Variants in CFTR observed in about 807,000 individuals in gnomAD.
The protein encoded by CFTR is cystic fibrosis transmembrane conductance regulator.
CFTR carries 181 observed loss-of-function variants against 171.6 expected under a neutral mutation model. The observed-to-expected ratio is 1.05, with a 90% CI of 0.93 to 1.19. The LOEUF (loss-of-function observed/expected upper bound fraction) is 1.19. Among genes scored for constraint, CFTR ranks in the 50% most tolerant of loss-of-function variants. CFTR has a pLI of 0.00. For synonymous variants in CFTR, 583 were observed against 608.0 expected, an observed-to-expected ratio of 0.96 and a Z score of 0.60; for missense variants, 1,968 against 1,734.7, an observed-to-expected ratio of 1.13 and a Z score of -2.39.
In CFTR at chr7:117,644,262, T is replaced by A. The variant is rs34689837; in HGVS notation, c.3873+1669T>A. ...AACAGAATATGCTATTTCTTCTTTG[T>A]GACAAATTTTGAACATTATGTGAAT... On this transcript the variant is annotated intron_variant, in intron 23 of 26. Coordinates refer to ENST00000003084, the MANE Select transcript of CFTR (RefSeq NM_000492.4). Among the ~76,000 whole-genome samples, 1,233 of 152,238 alleles carry A rather than the reference T, an allele frequency of 8.1e-3. 12 individuals are homozygous for A. The highest frequency in any genetic ancestry group is 0.028 in the African/African-American group (1,175 of 41,550).
chr7:117,631,220 G>T (rs979676574), intron 22 of CFTR, among the ~76,000 whole-genome samples: 1 of 152,088 alleles, frequency 6.6e-6, no homozygotes, highest in Non-Finnish European at 1.5e-5. Context: ...GGTGCTATTT[G>T]GTTCCTGGTA....
chr7:117,633,848 C>G (rs931497254), intron 22 of CFTR, among the ~76,000 whole-genome samples: 2 of 151,824 alleles, frequency 1.3e-5, no homozygotes, highest in Non-Finnish European at 2.9e-5. Context: ...TGAGATTAAT[C>G]CCGTTTGGTT....
At chr7:117,490,001 T>C (rs542236405) in intron 1 of CFTR, among the ~76,000 whole-genome samples, 1 of 152,032 alleles carries the variant, frequency 6.6e-6, no homozygotes, top group Admixed American at 6.6e-5. Context: ...ATTCCAGCCA[T>C]TTGTATCCTT....
chr7:117,603,181 A>T (rs886195058), intron 16 of CFTR, among the ~76,000 whole-genome samples: 1 of 152,170 alleles, frequency 6.6e-6, no homozygotes, highest in Non-Finnish European at 1.5e-5. Context: ...TATCTAAAAT[A>T]AAATAAAATA....
At chr7:117,544,689 T>G (rs1799110281) in intron 9 of CFTR, among the ~76,000 whole-genome samples, 1 of 152,224 alleles carries the variant, frequency 6.6e-6, no homozygotes. Flanking sequence ...TGTTTAAATA[T>G]TTTCAAGTTA....
intron 24 of CFTR, among the ~76,000 whole-genome samples, chr7:117,659,919 A>AT (rs886222550): frequency 1.3e-5 from 2 of 151,962 alleles, no homozygotes; most frequent in Non-Finnish European, 2.9e-5. Context: ...CACTTTTATG[A>AT]TTTTTTTTCA....
intron 1 of CFTR, among the ~76,000 whole-genome samples, chr7:117,491,978 C>G (rs1798166484): frequency 6.6e-6 from 1 of 151,872 alleles, no homozygotes; most frequent in African/African-American, 2.4e-5. Flanking sequence ...GTATAGTGGT[C>G]CATAAATAGC....
chr7:117,603,908 T>C (rs750720643), intron 17 of CFTR, 126 bp downstream of exon 17: 4 of 941,664 alleles, frequency 4.2e-6, no homozygotes, highest in African/African-American at 1.6e-5. Flanking sequence ...GAACCTCCAT[T>C]TGACTGGCAT....
At chr7:117,587,389 G>A (rs1190098855) in intron 11 of CFTR, among the ~76,000 whole-genome samples, 2 of 152,092 alleles carry the variant, frequency 1.3e-5, no homozygotes, top group African/African-American at 2.4e-5. Flanking sequence ...GTACATTTTA[G>A]TATGTTGATA....
chr7:117,532,918 C>A (rs752802452), intron 4 of CFTR, among the ~76,000 whole-genome samples: 2 of 152,118 alleles, frequency 1.3e-5, no homozygotes, highest in African/African-American at 2.4e-5. Flanking sequence ...CCATATCTGA[C>A]CTGTTTTGTC....
intron 11 of CFTR, among the ~76,000 whole-genome samples, chr7:117,566,787 T>C (rs1299646594): frequency 6.6e-6 from 1 of 152,224 alleles, no homozygotes; most frequent in Non-Finnish European, 1.5e-5. Context: ...AAATCCTCAC[T>C]TTCCATTTAT....
At chr7:117,552,155 G>T (rs908060638) in intron 10 of CFTR, among the ~76,000 whole-genome samples, 1 of 151,364 alleles carries the variant, frequency 6.6e-6, no homozygotes, top group African/African-American at 2.4e-5. Flanking sequence ...TAGAGATTAG[G>T]TCTTACTCTG....
chr7:117,607,382 G>A (rs1351206574), intron 18 of CFTR, among the ~76,000 whole-genome samples: 1 of 152,284 alleles, frequency 6.6e-6, no homozygotes, highest in Non-Finnish European at 1.5e-5. Flanking sequence ...ACTGATTGGT[G>A]GTGAGGATGG....
chr7:117,574,403 T>A (rs1791742432), intron 11 of CFTR, among the ~76,000 whole-genome samples: 1 of 152,142 alleles, frequency 6.6e-6, no homozygotes, highest in South Asian at 2.1e-4. Context: ...CTTCATATTA[T>A]GTCTCTGAAA....
chr7:117,526,011 T>C (rs213939), intron 3 of CFTR, among the ~76,000 whole-genome samples: 77,041 of 142,682 alleles, frequency 0.54, 23,600 homozygotes, highest in African/African-American at 0.85. Flanking sequence ...GATTTTGCAG[T>C]GGCTGGTACT....
intron 21 of CFTR, among the ~76,000 whole-genome samples, chr7:117,627,011 C>T (rs1299077563): frequency 1.3e-5 from 2 of 151,968 alleles, no homozygotes; most frequent in Non-Finnish European, 2.9e-5. Context: ...ATGCCAATGA[C>T]TTAAATTGTT....
At chr7:117,536,877 T>C (rs774838861) in intron 7 of CFTR, among the ~76,000 whole-genome samples, 4 of 152,188 alleles carry the variant, frequency 2.6e-5, no homozygotes, top group Non-Finnish European at 4.4e-5. Flanking sequence ...CAGGGTGTTA[T>C]TTTATGCTGC....
chr7:117,568,067 G>C (rs1382859905), intron 11 of CFTR, among the ~76,000 whole-genome samples: 1 of 152,114 alleles, frequency 6.6e-6, no homozygotes, highest in Non-Finnish European at 1.5e-5. Flanking sequence ...CATTGCATTG[G>C]GGAACTATAG....
chr7:117,536,558 G>A lies in CFTR; in HGVS notation c.754G>A (p.Ala252Thr), dbSNP rs748582435. The A allele has an allele frequency of 2.5e-6, 4 of 1,591,038 alleles. No homozygotes were observed. The highest frequency in any genetic ancestry group is 3.4e-6 in the Non-Finnish European group (4 of 1,166,790). The change falls in exon 7 of 27, where the codon GCT becomes ACT. Residue 252 changes from alanine (A) to threonine (T), a missense_variant. Coordinates refer to ENST00000003084, the MANE Select transcript of CFTR (RefSeq NM_000492.4). ...TTGATTGATTTACAGAGATCAGAGA[G>A]CTGGGAAGATCAGTGAAAGACTTGT... The part of the protein sequence containing the change: ...RMMMKYRDQR[A>T]GKISERLVIT...
Sources: allele counts gnomAD v4.1 joint callset (sites outside exome capture counted in the v4.1 genomes callset), GRCh38; gene constraint gnomAD v4.1.1; transcripts MANE v1.5; gene names NCBI Gene and HGNC (gene_info 2026-07-23, HGNC 2026-07-21).